Variants in SCAMP5 observed in about 807,000 individuals in gnomAD.
The protein encoded by SCAMP5 is secretory carrier-associated membrane protein 5.
In SCAMP5, 7 loss-of-function variants were observed where a neutral mutation model predicts 28.3. That is an observed-to-expected ratio of 0.25 (90% CI 0.14 to 0.46). The LOEUF is 0.46. SCAMP5 is among the 20% of genes least tolerant of loss of function. The probability of loss-of-function intolerance (pLI) is 0.99; values close to 1 mark genes in which losing one functional copy is unlikely to be tolerated. For synonymous variants in SCAMP5, 117 were observed against 116.4 expected (o/e 1.00, Z -0.03); for missense variants, 192 against 312.5 (o/e 0.61, Z 2.91).
rs568595389 is a variant in SCAMP5 at position 74,996,631 on chromosome 15, G to A, written c.-49+958G>A. Among the ~76,000 whole-genome samples, 1 of 152,334 alleles carries A rather than the reference G, an allele frequency of 6.6e-6. No homozygotes were observed. Among genetic ancestry groups the A allele is most frequent in the Non-Finnish European group, 1.5e-5 (1 of 68,024 alleles). ...AGGCACAGGGATGAAAACGAGCACA[G>A]CTGTTGGGGGCTGAGCCTGGGAGCT... On this transcript the variant is annotated intron_variant, in intron 1 of 6. Coordinates refer to ENST00000425597, the MANE Select transcript of SCAMP5 (RefSeq NM_138967.4). This position sits in a 1 kb window ranked among gnomAD's most constrained non-coding sequence, Gnocchi z 4.1.
rs1429594912 is a variant in SCAMP5 at position 75,020,244 on chromosome 15, T to C, written c.*1261T>C. On this transcript the variant is annotated 3_prime_UTR_variant, in exon 7 of 7. Coordinates refer to ENST00000425597, the MANE Select transcript of SCAMP5 (RefSeq NM_138967.4). ...CTGTTTGGATCTGGTAGGACAGGGC[T>C]CAGAGGGCTAGGCACGGAGGGAAGG... 2 of 152,468 alleles carry C rather than the reference T, an allele frequency of 1.3e-5. No homozygotes were observed. Among genetic ancestry groups the C allele is most frequent in the African/African-American group, 4.8e-5 (2 of 41,354 alleles). The allele number at this position is 152,468 out of a possible 1,614,324, so 9.4% of individuals were successfully genotyped here.
chr15:75,016,573 A>C lies in SCAMP5; in HGVS notation c.137-20A>C, dbSNP rs772653592. ...CCTGGGTGTCTGTCTCTATGTGTGC[A>C]TGTGCTCCTGGGCCTGCAGTGAACA... is the stretch of plus-strand genomic sequence containing the variant. On this transcript the variant is annotated intron_variant, in intron 3 of 6. Transcript: ENST00000425597. 1.7e-5 allele frequency: 27 copies of C among 1,606,686 alleles called. No individual in the cohort carries two copies. The highest frequency in any genetic ancestry group is 2.2e-5 in the Non-Finnish European group (26 of 1,177,182).
intron 1 of SCAMP5, among the ~76,000 whole-genome samples, chr15:75,004,196 G>A (rs1048646748): frequency 3.3e-5 from 5 of 151,970 alleles, no homozygotes; most frequent in East Asian, 1.9e-4. Flanking sequence ...GAGCCACCAC[G>A]TCTGGCCTAT....
intron 1 of SCAMP5, among the ~76,000 whole-genome samples, chr15:74,999,347 G>T (rs949021027): frequency 1.3e-5 from 2 of 152,150 alleles, no homozygotes; most frequent in African/African-American, 4.8e-5. Flanking sequence ...AGGGTCTCCA[G>T]TCTCAGCCAT....
chr15:75,000,085 A>C (rs1051388851), intron 1 of SCAMP5, among the ~76,000 whole-genome samples: 3 of 152,246 alleles, frequency 2.0e-5, no homozygotes, highest in Middle Eastern at 3.2e-3. Flanking sequence ...CAGACTGTTA[A>C]AGGGGTGGCA....
At position 75,018,797 on chromosome 15, in the gene SCAMP5, A is replaced by C. The variant is rs373257736; in HGVS notation, c.522A>C (p.Lys174Asn). The stretch of plus-strand genomic sequence containing the variant: ...CGCTCTTTTTCCTACAGGTTCATAA[A>C]TTTTACCGGGGAAGTGGGGGGAGTT... ...FSFIALSMVH[K>N]FYRGSGGSFS... Residue 174 changes from lysine to asparagine, a missense_variant, in exon 7 of 7, where the codon AAA (lysine) becomes AAC (asparagine). Coordinates refer to ENST00000425597, the MANE Select transcript of SCAMP5 (RefSeq NM_138967.4). The surrounding 1 kb of genome is among the most constrained non-coding windows in gnomAD (Gnocchi z 5.6). 4 of 1,606,130 alleles carry C rather than the reference A, an allele frequency of 2.5e-6. No individual in the cohort carries two copies. Among genetic ancestry groups the C allele is most frequent in the Non-Finnish European group, 2.5e-6 (3 of 1,177,466 alleles).
chr15:75,015,202 C>T (rs1234355275), intron 3 of SCAMP5, among the ~76,000 whole-genome samples: 1 of 152,150 alleles, frequency 6.6e-6, no homozygotes, highest in Non-Finnish European at 1.5e-5. Flanking sequence ...ATTCAGAAGA[C>T]AGGACCACAG....
intron 3 of SCAMP5, among the ~76,000 whole-genome samples, chr15:75,014,446 T>C (rs959996244): frequency 6.6e-6 from 1 of 152,126 alleles, no homozygotes; most frequent in African/African-American, 2.4e-5. Context: ...GCCATGTTTG[T>C]CGACGGATAG....
chr15:75,012,714 C>A lies in SCAMP5; in HGVS notation c.45C>A (p.Ile15=), dbSNP rs544124213. The change falls in exon 3 of 7, where the codon ATC becomes ATA. Residue 15 remains isoleucine, a synonymous_variant. Coordinates refer to ENST00000425597, the MANE Select transcript of SCAMP5 (RefSeq NM_138967.4). The part of the protein sequence containing the change: ...VNNFPPLPKF[I]PLKPCFYQDF... ...ACTTCCCACCATTGCCCAAATTCAT[C>A]CCGCTGAAGCCATGTTTCTACCAAG... is the stretch of plus-strand genomic sequence containing the variant. 5 of 1,613,952 alleles carry A rather than the reference C, an allele frequency of 3.1e-6. No individual in the cohort carries two copies. The East Asian group carries it at 1.1e-4, about 36-fold the overall frequency.
intron 1 of SCAMP5, among the ~76,000 whole-genome samples, chr15:75,001,859 G>C (rs1231851994): frequency 9.7e-6 from 1 of 103,072 alleles, no homozygotes; most frequent in Non-Finnish European, 1.7e-5. Context: ...AACAGGGCAA[G>C]ACTCGGTCTC....
chr15:75,011,360 G>C (rs1039898994), intron 1 of SCAMP5, among the ~76,000 whole-genome samples: 3 of 152,144 alleles, frequency 2.0e-5, no homozygotes, highest in African/African-American at 7.2e-5. Context: ...GGAGAGCAGG[G>C]ACCACATCTG....
intron 1 of SCAMP5, among the ~76,000 whole-genome samples, chr15:75,006,588 C>T (rs1324410569): frequency 6.6e-6 from 1 of 152,022 alleles, no homozygotes; most frequent in Non-Finnish European, 1.5e-5. Context: ...GAGATCGAGA[C>T]TATCCTGGCT....
chr15:75,011,895 C>T (rs371884614), intron 2 of SCAMP5, 49 bp downstream of exon 2: 308 of 1,536,368 alleles, frequency 2.0e-4, no homozygotes, highest in Non-Finnish European at 2.7e-4. Flanking sequence ...GTGAGCATAG[C>T]GTGGATGGCC....
At position 75,010,098 on chromosome 15, in the gene SCAMP5, T is replaced by G. The variant is rs994026754; in HGVS notation, c.-48-1694T>G. 3.3e-5 allele frequency among the ~76,000 whole-genome samples: 5 copies of G among 152,230 alleles called. No homozygotes were observed. The South Asian group carries it at 8.3e-4, about 25-fold the overall frequency. On this transcript the variant is annotated intron_variant, in intron 1 of 6. Transcript: ENST00000425597. ...ATATAAATGTCCACCAAAGTCACTG[T>G]TCTAACAAGGTGATTGCTGCTTGGT... is the stretch of plus-strand genomic sequence containing the variant.
rs1229801621 is a variant in SCAMP5, at chr15:75,018,835, A to T, written c.560A>T (p.Gln187Leu). Reference sequence around the variant, plus strand: ...AGTGGGGGGAGTTTCAGCAAAGCTCAGGAGGAGTGGACCACAGGGGCCTGG... The same window carrying T: ...AGTGGGGGGAGTTTCAGCAAAGCTCTGGAGGAGTGGACCACAGGGGCCTGG... ...RGSGGSFSKA[Q>L]EEWTTGAWKN... The change falls in exon 7 of 7, where the codon CAG (glutamine) becomes CTG (leucine). Residue 187 changes from glutamine (Q) to leucine (L), a missense_variant. Transcript: ENST00000425597. The surrounding 1 kb of genome is among the most constrained non-coding windows in gnomAD (Gnocchi z 5.6). 6.2e-7 allele frequency: 1 copy of T among 1,602,154 alleles called. No homozygotes were observed. The highest frequency in any genetic ancestry group is 8.5e-7 in the Non-Finnish European group (1 of 1,176,958).
At chr15:75,005,044 G>C (rs1159258014) in intron 1 of SCAMP5, among the ~76,000 whole-genome samples, 3 of 151,880 alleles carry the variant, frequency 2.0e-5, no homozygotes, top group Non-Finnish European at 4.4e-5. Flanking sequence ...GTGTGGTGGC[G>C]TGCGCCTGTA....
At chr15:75,010,616 C>A (rs540746620) in intron 1 of SCAMP5, among the ~76,000 whole-genome samples, 2 of 152,152 alleles carry the variant, frequency 1.3e-5, no homozygotes, top group South Asian at 4.1e-4. Context: ...AATTTGAGAC[C>A]AGCTGTGCAA....
At chr15:75,010,670 G>T (rs2065803204) in intron 1 of SCAMP5, among the ~76,000 whole-genome samples, 1 of 152,130 alleles carries the variant, frequency 6.6e-6, no homozygotes, top group Non-Finnish European at 1.5e-5. Flanking sequence ...AAATTAGCAT[G>T]GTAGTCTGTC....
chr15:75,008,969 A>G (rs1437108787), intron 1 of SCAMP5, among the ~76,000 whole-genome samples: 1 of 152,194 alleles, frequency 6.6e-6, no homozygotes, highest in Non-Finnish European at 1.5e-5. Context: ...GAGCAGGATT[A>G]TTAGGTTAAA....
Sources: gnomAD v4.1 joint callset for allele counts (sites outside exome capture counted in the v4.1 genomes callset) on GRCh38, gnomAD v4.1.1 for gene constraint, Gnocchi (gnomAD v3.1) non-coding constraint, MANE v1.5 for transcripts, NCBI Gene and HGNC (gene_info 2026-07-23, HGNC 2026-07-21) for gene names.